Variants in NGEF observed in about 807,000 individuals in gnomAD.
NGEF encodes neuronal guanine nucleotide exchange factor.
Under a neutral mutation model 80.9 loss-of-function variants are expected in NGEF, and 31 were observed. The ratio of observed to expected loss-of-function variants is 0.38; its 90% CI spans 0.29 to 0.52. NGEF has a LOEUF of 0.52. Ranked by LOEUF, NGEF falls within the 20% of genes least tolerant of loss-of-function variation. The probability of loss-of-function intolerance (pLI) is 0.84; values close to 1 mark genes in which losing one functional copy is unlikely to be tolerated. For synonymous variants in NGEF, 371 were observed against 370.2 expected (o/e 1.00, Z -0.03); for missense variants, 709 against 926.2 (o/e 0.77, Z 3.04).
chr2:232,938,319 T>A (rs1693368011), intron 3 of NGEF, among the ~76,000 whole-genome samples: 1 of 152,174 alleles, frequency 6.6e-6, no homozygotes, highest in Non-Finnish European at 1.5e-5. Flanking sequence ...TGCAGCCATA[T>A]CACCAATTAT....
At chr2:232,890,875 C>T (rs1691859671) in intron 8 of NGEF, 1 of 470,792 alleles carries the variant, frequency 2.1e-6, no homozygotes, top group Non-Finnish European at 4.4e-6. Context: ...CCCATCTCCA[C>T]ACCCACTCCC....
chr2:232,931,321 A>G (rs527602525), intron 3 of NGEF, among the ~76,000 whole-genome samples: 1 of 152,208 alleles, frequency 6.6e-6, no homozygotes, highest in Non-Finnish European at 1.5e-5. Context: ...TTGGTGGCTC[A>G]TACCACGCTT....
At chr2:232,994,657 G>A (rs1440657396) in intron 1 of NGEF, among the ~76,000 whole-genome samples, 1 of 152,098 alleles carries the variant, frequency 6.6e-6, no homozygotes, top group East Asian at 1.9e-4. Flanking sequence ...TCGGCCCTTC[G>A]CTGGCTGAAT....
At position 232,891,611 on chromosome 2, in the gene NGEF, T is replaced by C; in HGVS notation, c.1143-124A>G. ...CACGGGCTCAGAAAACATGTTGATTTCTTTCTTTGTTTTTTTTCAAAAGGA... is the reference window on the plus strand; with the variant it reads ...CACGGGCTCAGAAAACATGTTGATTCCTTTCTTTGTTTTTTTTCAAAAGGA... On this transcript the variant is annotated intron_variant, in intron 7 of 14. Coordinates refer to ENST00000264051, the MANE Select transcript of NGEF (RefSeq NM_019850.3). 4 of 1,117,264 alleles carry C rather than the reference T, an allele frequency of 3.6e-6. No individual in the cohort carries two copies. In the South Asian group the frequency reaches 6.7e-5, roughly 19 times the overall value. The allele number at this position is 1,117,264 out of a possible 1,614,324, so 69.2% of individuals were successfully genotyped here.
chr2:232,999,971 TA>T (rs1439145502), intron 1 of NGEF, among the ~76,000 whole-genome samples: 2 of 152,326 alleles, frequency 1.3e-5, no homozygotes, highest in South Asian at 4.1e-4. Context: ...AACACTGCCA[TA>T]AAAAATACTG....
At position 232,970,271 on chromosome 2, in the gene NGEF, C is replaced by T; in HGVS notation, c.326G>A (p.Ser109Asn). 6.2e-7 allele frequency: 1 copy of T among 1,606,696 alleles called. No individual in the cohort carries two copies. The highest frequency in any genetic ancestry group is 1.1e-5 in the South Asian group (1 of 89,844). ...NEPLTLNIPW[S>N]RMPPCRTAMQ... is the part of the protein sequence containing the mutation. ...TGCTGTTCTGCAAGGAGGCATTCTG[C>T]TCCAGGGGATATTCAAGGTCAGGGG... Residue 109 changes from serine to asparagine, a missense_variant, in exon 3 of 15, where the codon AGC becomes AAC. Physicochemically the swap from Ser to Asn is conservative, Grantham distance 46. Coordinates refer to ENST00000264051, the MANE Select transcript of NGEF (RefSeq NM_019850.3).
intron 1 of NGEF, among the ~76,000 whole-genome samples, chr2:232,995,723 A>G (rs1267838877): frequency 6.9e-6 from 1 of 145,366 alleles, no homozygotes; most frequent in Admixed American, 6.9e-5. Flanking sequence ...TACATATAAT[A>G]TATTATACAT....
intron 1 of NGEF, among the ~76,000 whole-genome samples, chr2:233,001,690 G>T (rs1352549606): frequency 1.3e-5 from 2 of 152,184 alleles, no homozygotes; most frequent in Non-Finnish European, 2.9e-5. Flanking sequence ...CAGTAGCCTG[G>T]CCAACGTGCG....
At chr2:232,906,216 T>TG (rs1176714112) in intron 5 of NGEF, among the ~76,000 whole-genome samples, 157 of 5,294 alleles carry the variant, frequency 0.03, 21 homozygotes, top group African/African-American at 0.082. Context: ...GGGAAGGAGG[T>TG]GGGGGGGGGT....
intron 3 of NGEF, among the ~76,000 whole-genome samples, chr2:232,962,384 A>G (rs1294652677): frequency 6.6e-6 from 1 of 150,800 alleles, no homozygotes; most frequent in East Asian, 1.9e-4. Context: ...TAAAAATACA[A>G]CAACAACAAC....
intron 5 of NGEF, among the ~76,000 whole-genome samples, chr2:232,898,684 G>A (rs1259817093): frequency 4.6e-5 from 7 of 152,302 alleles, no homozygotes; most frequent in East Asian, 1.9e-4. Context: ...TCGTTCCTTC[G>A]TTCCACAAAT....
chr2:232,932,898 G>C (rs921277012), intron 3 of NGEF, among the ~76,000 whole-genome samples: 43 of 151,884 alleles, frequency 2.8e-4, no homozygotes, highest in Admixed American at 2.8e-3. Flanking sequence ...GAGGTCAGGA[G>C]TTCGAGACCA....
chr2:232,993,164 TA>T (rs1694696801), intron 1 of NGEF, among the ~76,000 whole-genome samples: 1 of 118,642 alleles, frequency 8.4e-6, no homozygotes, highest in Non-Finnish European at 1.8e-5. Context: ...AATATATATA[TA>T]TTATATATAT....
chr2:232,916,658 C>T (rs1347105125), intron 5 of NGEF, among the ~76,000 whole-genome samples: 1 of 152,150 alleles, frequency 6.6e-6, no homozygotes, highest in East Asian at 1.9e-4. Context: ...AGACAAGATA[C>T]AATGTTTCAC....
rs371983136 is a variant in NGEF at position 232,970,071 on chromosome 2, A to AT, written c.383+142dup. The stretch of plus-strand genomic sequence containing the variant: ...TTTTTAAATTATGGAGTTTTTATTT[A>AT]TTTATTTTTTTAGCACGGGCAACCA... On this transcript the variant is annotated intron_variant, in intron 3 of 14. Coordinates refer to ENST00000264051, the MANE Select transcript of NGEF (RefSeq NM_019850.3). 1,784 of 407,992 alleles carry AT rather than the reference A, an allele frequency of 4.4e-3. 2 individuals carry two copies. Among genetic ancestry groups the AT allele is most frequent in the East Asian group, 0.011 (253 of 23,074 alleles). The allele number at this position is 407,992 out of a possible 1,614,324, so 25.3% of individuals were successfully genotyped here.
chr2:232,995,114 G>GTGTACAGTATGTATATA (rs1431722114), intron 1 of NGEF, among the ~76,000 whole-genome samples: 2 of 4,358 alleles, frequency 4.6e-4, no homozygotes, highest in Non-Finnish European at 8.5e-4. Context: ...GTATGTATAT[G>GTGTACAGTATGTATATA]TGTACAGTAT....
At chr2:232,917,728 T>C (rs1692839031) in intron 5 of NGEF, among the ~76,000 whole-genome samples, 1 of 152,202 alleles carries the variant, frequency 6.6e-6, no homozygotes, top group Non-Finnish European at 1.5e-5. Context: ...CTACTCTGTC[T>C]GATAATATAA....
In NGEF at chr2:232,995,205, A is replaced by G. The variant is rs1327898388; in HGVS notation, c.-75+17863T>C. ...TATGTATGCTGTGTACAGTATGTAT[A>G]CTGTATATGTGTACAGTATGTATGC... On this transcript the variant is annotated intron_variant, in intron 1 of 14. Coordinates refer to ENST00000264051, the MANE Select transcript of NGEF (RefSeq NM_019850.3). Among the ~76,000 whole-genome samples, 2 of 73,112 alleles carry G rather than the reference A, an allele frequency of 2.7e-5. 1 individual carries two copies. Among genetic ancestry groups the G allele is most frequent in the South Asian group, 1.5e-3 (2 of 1,368 alleles). The allele number at this position is 73,112 out of a possible 152,430, so 48.0% of individuals were successfully genotyped here.
At chr2:232,934,648 A>C in intron 3 of NGEF, among the ~76,000 whole-genome samples, 1 of 152,186 alleles carries the variant, frequency 6.6e-6, no homozygotes, top group Non-Finnish European at 1.5e-5. Flanking sequence ...TCACAAAATA[A>C]AGTATTGATA....
Sources: allele counts gnomAD v4.1 joint callset (sites outside exome capture counted in the v4.1 genomes callset), GRCh38; gene constraint gnomAD v4.1.1; transcripts MANE v1.5; gene names NCBI Gene and HGNC (gene_info 2026-07-23, HGNC 2026-07-21).